The following LRP2 variants were observed in gnomAD, a reference collection of about 807,000 sequenced individuals.
LRP2 encodes low-density lipoprotein receptor-related protein 2.
Under a neutral mutation model 531.0 loss-of-function variants are expected in LRP2, and 172 were observed. That is an observed-to-expected ratio of 0.32 (90% CI 0.29 to 0.37). The LOEUF (loss-of-function observed/expected upper bound fraction) is 0.37, where lower values mean the gene tolerates loss of function less well. LRP2 is among the 10% of genes least tolerant of loss of function. The pLI is 1.00. For synonymous variants in LRP2, 1,992 were observed against 2,027.6 expected (o/e 0.98, Z 0.47); for missense variants, 5,167 against 5,868.3 (o/e 0.88, Z 3.90).
At position 169,138,584 on chromosome 2, in the gene LRP2, A is replaced by G; in HGVS notation, c.13511T>C (p.Met4504Thr). Residue 4504 changes from methionine (M) to threonine (T), a missense_variant, in exon 75 of 79, where the codon ATG becomes ACG. By Grantham distance (81) the Met-to-Thr change is moderately conservative (BLOSUM62 -1). Around this residue, in one of 6 missense-constraint regions of LRP2, gnomAD observed 348 missense variants for 369.3 expected, o/e 0.94. Transcript: ENST00000649046. The stretch of plus-strand genomic sequence containing the variant: ...TTTTGAAACCATACTCACCATTGCC[A>G]TTGACCTGTCAATAGCAGTCTCAGG... The part of the protein sequence containing the change: ...FGPETAIDRS[M>T]AMSEDFVMEM... 1.2e-6 allele frequency: 2 copies of G among 1,613,950 alleles called. No homozygotes were observed. The highest frequency in any genetic ancestry group is 1.7e-6 in the Non-Finnish European group (2 of 1,179,866).
chr2:169,185,313 A>T (rs553347783), intron 50 of LRP2, among the ~76,000 whole-genome samples, 190 bp downstream of exon 50: 108 of 152,360 alleles, frequency 7.1e-4, no homozygotes, highest in African/African-American at 2.5e-3. Context: ...ATAAATTTTT[A>T]AAATAATTAG....
At chr2:169,297,311 G>T (rs1196317926) in intron 4 of LRP2, among the ~76,000 whole-genome samples, 14 of 152,094 alleles carry the variant, frequency 9.2e-5, no homozygotes, top group South Asian at 2.1e-4. Flanking sequence ...TGGTTCATTT[G>T]CTTGGCAAGC....
chr2:169,347,914 T>C (rs1400763119), intron 1 of LRP2, among the ~76,000 whole-genome samples: 1 of 152,168 alleles, frequency 6.6e-6, no homozygotes, highest in Non-Finnish European at 1.5e-5. Context: ...AATGAGGTCA[T>C]CTGATCATAA....
chr2:169,310,398 T>G lies in LRP2; in HGVS notation c.311-3001A>C, dbSNP rs576282431. On this transcript the variant is annotated intron_variant, in intron 3 of 78. Coordinates refer to ENST00000649046, the MANE Select transcript of LRP2 (RefSeq NM_004525.3). ...CCATTGATACCTAATTTATTGAGAG[T>G]TTTTAGCATGAAGGGCTGTTGAATT... Among the ~76,000 whole-genome samples the G allele has an allele frequency of 1.7e-4, 26 of 152,148 alleles. No individual in the cohort carries two copies. In the East Asian group the frequency reaches 4.6e-3, roughly 27 times the overall value.
At chr2:169,315,959 C>CAAAAAAA (rs536458606) in intron 3 of LRP2, among the ~76,000 whole-genome samples, 747 of 72,616 alleles carry the variant, frequency 0.01, no homozygotes, top group Non-Finnish European at 0.015. Context: ...CCCATCTCTA[C>CAAAAAAA]AAAAAAAAAA....
At chr2:169,181,673 A>G in intron 51 of LRP2, 55 bp from the exon 52 acceptor site, 1 of 1,480,882 alleles carries the variant, frequency 6.8e-7, no homozygotes. Flanking sequence ...GTCAGTAGCC[A>G]AAATACACAC....
Position 169,338,731 on chromosome 2 carries a change from A to G in LRP2, c.80-17847T>C, listed in dbSNP as rs141807916. On this transcript the variant is annotated intron_variant, in intron 1 of 78. Transcript: ENST00000649046. ...GTTAAGAGACAAAGTCTGAATAGCC[A>G]GATGCTGCATACTACTGGGAAACTA... Among the ~76,000 whole-genome samples, 133 of 152,372 alleles carry G rather than the reference A, an allele frequency of 8.7e-4. 2 individuals carry two copies. The East Asian group carries it at 0.022, about 25-fold the overall frequency.
At chr2:169,282,408 A>G (rs905369794) in intron 10 of LRP2, among the ~76,000 whole-genome samples, 1 of 152,212 alleles carries the variant, frequency 6.6e-6, no homozygotes, top group South Asian at 2.1e-4. Flanking sequence ...AATTACCCAG[A>G]GTTAGTGCAT....
In LRP2 at chr2:169,246,784, T is replaced by G; in HGVS notation, c.3111A>C (p.Arg1037Ser). The G allele has an allele frequency of 6.2e-7, 1 of 1,614,186 alleles. No homozygotes were observed. Residue 1037 changes from arginine to serine, a missense_variant, in exon 21 of 79, where the codon AGA (arginine) becomes AGC (serine). This residue lies in a region of LRP2 where 2,811 missense variants were observed against 3,058.0 expected (regional missense o/e 0.92). Transcript: ENST00000649046. ...CACAGAGATAGTAATTGGGCACACA[T>G]CTGCCATTTTTACAGGGGAAGGAAA... ...GLFSFPCKNG[R>S]CVPNYYLCDG...
chr2:169,213,524 A>G, intron 36 of LRP2, 133 bp downstream of exon 36: 1 of 817,798 alleles, frequency 1.2e-6, no homozygotes, highest in Non-Finnish European at 2.1e-6. Context: ...CATTTTTTAA[A>G]TATTTCAGGT....
intron 50 of LRP2, among the ~76,000 whole-genome samples, chr2:169,185,010 C>A (rs1248050049): frequency 6.6e-6 from 1 of 152,160 alleles, no homozygotes; most frequent in African/African-American, 2.4e-5. Context: ...ATCCTCTCAC[C>A]TCAGCCTCCC....
At chr2:169,328,071 A>G (rs1275635987) in intron 1 of LRP2, among the ~76,000 whole-genome samples, 2 of 128,664 alleles carry the variant, frequency 1.6e-5, no homozygotes, top group Non-Finnish European at 3.3e-5. Flanking sequence ...AGGTGGGGTC[A>G]GCCCCCCGCC....
rs1180224622 is a variant in LRP2, at chr2:169,233,416, G to T, written c.5093C>A (p.Pro1698Gln). Residue 1698 changes from proline (P) to glutamine (Q), a missense_variant, in exon 30 of 79, where the codon CCA becomes CAA. Coordinates refer to ENST00000649046, the MANE Select transcript of LRP2 (RefSeq NM_004525.3). ...TGTTTCTCTGTATCACTCACAATTT[G>T]GTTGTTTCGAAGGATGAACCGCAAC... ...GIVAVHPSKQ[P>Q]NSVNPCAFSR... 1 of 1,614,122 alleles carries T rather than the reference G, an allele frequency of 6.2e-7. No homozygotes were observed. The highest frequency in any genetic ancestry group is 2.2e-5 in the East Asian group (1 of 44,872).
intron 38 of LRP2, 76 bp downstream of exon 38, chr2:169,209,377 G>C: frequency 2.8e-6 from 4 of 1,441,200 alleles, no homozygotes; most frequent in Non-Finnish European, 3.9e-6. Context: ...AGCACATGGA[G>C]TTAGGCTAAA....
chr2:169,191,317 T>C (rs1033444226), intron 48 of LRP2, among the ~76,000 whole-genome samples: 3 of 152,162 alleles, frequency 2.0e-5, no homozygotes, highest in Non-Finnish European at 2.9e-5. Flanking sequence ...ATTTTTCTTG[T>C]AGTAGAGAGA....
intron 54 of LRP2, among the ~76,000 whole-genome samples, chr2:169,175,847 T>C (rs1023562754): frequency 6.6e-6 from 1 of 152,228 alleles, no homozygotes; most frequent in African/African-American, 2.4e-5. Context: ...TACAATCGTC[T>C]ACCTCTGCAT....
At chr2:169,247,718 T>A (rs549188628) in intron 19 of LRP2, among the ~76,000 whole-genome samples, 1 of 152,358 alleles carries the variant, frequency 6.6e-6, no homozygotes, top group South Asian at 2.1e-4. Flanking sequence ...GTTAATAATA[T>A]CAGGGTTCAG....
chr2:169,209,503 T>C lies in LRP2; in HGVS notation c.6419A>G (p.His2140Arg), dbSNP rs143199431. 82 of 1,614,036 alleles carry C rather than the reference T, an allele frequency of 5.1e-5. No individual in the cohort carries two copies. The highest frequency in any genetic ancestry group is 6.8e-5 in the Non-Finnish European group (80 of 1,180,006). The change falls in exon 38 of 79, where the codon CAT becomes CGT. Residue 2140 changes from histidine to arginine, a missense_variant. Transcript: ENST00000649046. ...CCGGACTCCATTTTCTCCTATTCCA[T>C]GTGTCACAATGTTCATCAGAGAAGA... ...DGSSLMNIVT[H>R]GIGENGVRGI...
rs779222343 is a variant in LRP2 at position 169,138,585 on chromosome 2, T to C, written c.13510A>G (p.Met4504Val). The C allele has an allele frequency of 2.5e-6, 4 of 1,613,934 alleles. No individual in the cohort carries two copies. Among genetic ancestry groups the C allele is most frequent in the African/African-American group, 1.3e-5 (1 of 75,028 alleles). Residue 4504 changes from methionine (M) to valine (V), a missense_variant, in exon 75 of 79, where the codon ATG becomes GTG. This residue lies in a region of LRP2 where 348 missense variants were observed against 369.3 expected (regional missense o/e 0.94). Coordinates refer to ENST00000649046, the MANE Select transcript of LRP2 (RefSeq NM_004525.3). Reference protein sequence around the residue: ...FGPETAIDRSMAMSEDFVMEM... With the variant: ...FGPETAIDRSVAMSEDFVMEM... ...TTTGAAACCATACTCACCATTGCCA[T>C]TGACCTGTCAATAGCAGTCTCAGGT...
Sources: allele counts gnomAD v4.1 joint callset (sites outside exome capture counted in the v4.1 genomes callset), GRCh38; gene constraint gnomAD v4.1.1; regional missense constraint gnomAD v4.1.1; transcripts MANE v1.5; gene names NCBI Gene and HGNC (gene_info 2026-07-23, HGNC 2026-07-21).